Variants in CCDC171 observed in about 807,000 individuals in gnomAD.
The protein encoded by CCDC171 is coiled-coil domain containing 171, also known as coiled-coil domain-containing protein 171.
In CCDC171, 177 loss-of-function variants were observed where a neutral mutation model predicts 168.2. That is an observed-to-expected ratio of 1.05 (90% CI 0.93 to 1.19). CCDC171 has a LOEUF of 1.19. CCDC171 is among the 50% of genes most tolerant of loss of function. CCDC171 has a pLI of 0.00. For synonymous variants in CCDC171, 687 were observed against 540.8 expected (o/e 1.27, Z -3.75); for missense variants, 1,991 against 1,539.0 (o/e 1.29, Z -4.91).
chr9:15,650,542 A>T (rs2132769548), intron 7 of CCDC171, among the ~76,000 whole-genome samples: 1 of 152,266 alleles, frequency 6.6e-6, no homozygotes, highest in Admixed American at 6.5e-5. Flanking sequence ...TTTTTTAGAC[A>T]AATGTCTAAG....
chr9:15,581,993 G>C (rs202120524), intron 4 of CCDC171, among the ~76,000 whole-genome samples: 6 of 152,066 alleles, frequency 3.9e-5, no homozygotes, highest in African/African-American at 1.2e-4. Flanking sequence ...AATGAACAGG[G>C]AACCTACAGA....
intron 15 of CCDC171, among the ~76,000 whole-genome samples, chr9:15,728,526 C>G (rs2053959681): frequency 6.6e-6 from 1 of 152,024 alleles, no homozygotes; most frequent in Non-Finnish European, 1.5e-5. Flanking sequence ...CGAAATACAA[C>G]AAAATGTATA....
intron 23 of CCDC171, among the ~76,000 whole-genome samples, chr9:15,864,865 A>G (rs2061709856): frequency 6.6e-6 from 1 of 152,060 alleles, no homozygotes; most frequent in Admixed American, 6.6e-5. Flanking sequence ...TTTTGTAGTC[A>G]TGTTTGTTGT....
chr9:15,708,188 T>C (rs544834533), intron 11 of CCDC171, among the ~76,000 whole-genome samples: 9 of 152,370 alleles, frequency 5.9e-5, no homozygotes, highest in African/African-American at 2.2e-4. Flanking sequence ...TATGTTGTTA[T>C]TTATGATTTG....
the CCDC171 span, among the ~76,000 whole-genome samples, chr9:16,072,716 C>T: frequency 7.2e-5 from 11 of 152,114 alleles, no homozygotes; most frequent in Non-Finnish European, 1.5e-5. Context: ...CTCACTCTCA[C>T]CTCTATCTTG....
At chr9:16,004,659 G>A (rs777492305) in intron 3 of CCDC171, among the ~76,000 whole-genome samples, 6 of 152,106 alleles carry the variant, frequency 3.9e-5, no homozygotes, top group Non-Finnish European at 8.8e-5. Context: ...CTGAGCCACC[G>A]CCACATATTT....
At chr9:15,597,455 T>G (rs2042459314) in intron 6 of CCDC171, among the ~76,000 whole-genome samples, 1 of 152,194 alleles carries the variant, frequency 6.6e-6, no homozygotes. Context: ...GTTTATTGAT[T>G]TGCATATGTT....
intron 23 of CCDC171, among the ~76,000 whole-genome samples, chr9:15,853,454 G>A (rs968188460): frequency 1.3e-5 from 2 of 151,528 alleles, no homozygotes; most frequent in Non-Finnish European, 3.0e-5. Context: ...CTTTTCTCCT[G>A]TAACTGCTGA....
At chr9:16,058,874 T>C (rs1833884980) in intron 1 of CCDC171, among the ~76,000 whole-genome samples, 1 of 152,204 alleles carries the variant, frequency 6.6e-6, no homozygotes, top group African/African-American at 2.4e-5. Flanking sequence ...CAGCGTAAGC[T>C]CAAGTGTTTG....
intron 24 of CCDC171, among the ~76,000 whole-genome samples, chr9:15,908,302 A>G (rs917003801): frequency 6.6e-5 from 10 of 152,228 alleles, no homozygotes; most frequent in African/African-American, 2.2e-4. Context: ...TGGCACATAT[A>G]CACCATGGAA....
rs1158049843 is a variant in CCDC171 at position 15,817,110 on chromosome 9, T to C, written c.3268-29592T>C. On this transcript the variant is annotated intron_variant, in intron 21 of 25. Coordinates refer to ENST00000380701, the MANE Select transcript of CCDC171 (RefSeq NM_173550.4). ...CGCACTTGTCTAATTCCATTCTGAT[T>C]GGCATTGGCTGTCATTAGGTGTTAC... 1.7e-5 allele frequency among the ~76,000 whole-genome samples: 2 copies of C among 117,300 alleles called. 1 individual carries two copies. The highest frequency in any genetic ancestry group is 6.4e-5 in the African/African-American group (2 of 31,164). 77.0% of individuals were successfully genotyped at this position (117,300 alleles called of 152,430 possible). A position where few individuals can be genotyped will look rare whatever the true frequency, so the allele number is the denominator to read the frequency against.
At chr9:16,079,506 A>G in the CCDC171 span, among the ~76,000 whole-genome samples, 1 of 152,236 alleles carries the variant, frequency 6.6e-6, no homozygotes, top group African/African-American at 2.4e-5. Context: ...CTGTAAATCA[A>G]AGAGCACCAA....
At chr9:15,790,760 A>C (rs1200711936) in intron 21 of CCDC171, among the ~76,000 whole-genome samples, 1 of 152,058 alleles carries the variant, frequency 6.6e-6, no homozygotes, top group African/African-American at 2.4e-5. Context: ...ATCCATCTTG[A>C]ATTAATTTTT....
the CCDC171 span, among the ~76,000 whole-genome samples, chr9:16,093,272 A>T: frequency 6.6e-6 from 1 of 152,138 alleles, no homozygotes; most frequent in African/African-American, 2.4e-5. Flanking sequence ...ACTGATCCTT[A>T]TCCTGACCTG....
intron 18 of CCDC171, among the ~76,000 whole-genome samples, chr9:15,756,110 G>C (rs1419551355): frequency 2.0e-5 from 3 of 152,016 alleles, no homozygotes; most frequent in Admixed American, 6.5e-5. Flanking sequence ...GGTTATTCCT[G>C]GCTGGCTAGC....
At chr9:15,590,814 TTTCTTTCTTTCTTTCTTTC>T (rs2041946369) in intron 4 of CCDC171, among the ~76,000 whole-genome samples, 1 of 150,218 alleles carries the variant, frequency 6.7e-6, no homozygotes, top group African/African-American at 2.5e-5. Flanking sequence ...TCTTTCTTTC[TTTCTTTCTTTCTTTCTTTC>T]TTCTTCTTTC....
At chr9:15,883,524 C>A (rs1447460732) in intron 24 of CCDC171, among the ~76,000 whole-genome samples, 4 of 152,150 alleles carry the variant, frequency 2.6e-5, no homozygotes, top group Admixed American at 1.3e-4. Flanking sequence ...AGATATCTTA[C>A]ATCTTGCATC....
rs182913401 is a variant in CCDC171, at chr9:15,911,593, T to C, written c.3601-8677T>C. The stretch of plus-strand genomic sequence containing the variant: ...ATTCTGGCTTTTGTTGCCGTTGCTT[T>C]TGGTGTTTTAGTCATGAAGTCTTTG... On this transcript the variant is annotated intron_variant, in intron 24 of 25. Coordinates refer to ENST00000380701, the MANE Select transcript of CCDC171 (RefSeq NM_173550.4). 2.4e-4 allele frequency among the ~76,000 whole-genome samples: 36 copies of C among 152,334 alleles called. No homozygotes were observed. In the East Asian group the frequency reaches 5.8e-3, roughly 24 times the overall value.
At chr9:16,016,750 TTTCATTGAAAATTTA>T (rs1220474397) in intron 3 of CCDC171, among the ~76,000 whole-genome samples, 4 of 152,220 alleles carry the variant, frequency 2.6e-5, no homozygotes, top group Middle Eastern at 3.2e-3. Context: ...TAAATTTTGT[TTTCATTGAAAATTTA>T]TAGCTGCCAC....
Sources: gnomAD v4.1 joint callset for allele counts (sites outside exome capture counted in the v4.1 genomes callset) on GRCh38, gnomAD v4.1.1 for gene constraint, MANE v1.5 for transcripts, NCBI Gene and HGNC (gene_info 2026-07-23, HGNC 2026-07-21) for gene names.